Variants in HMCN1 observed in about 807,000 individuals in gnomAD.
HMCN1 encodes hemicentin 1, also known as hemicentin-1.
In HMCN1, 321 loss-of-function variants were observed where a neutral mutation model predicts 625.9. The ratio of observed to expected loss-of-function variants is 0.51; its 90% CI spans 0.47 to 0.56. HMCN1 has a LOEUF of 0.56. Among genes scored for constraint, HMCN1 ranks in the 20% least tolerant of loss-of-function variants. HMCN1 has a pLI of 0.00. For synonymous variants in HMCN1, 2,425 were observed against 2,417.6 expected, an observed-to-expected ratio of 1.00 and a Z score of -0.09; for missense variants, 6,588 against 6,887.3, an observed-to-expected ratio of 0.96 and a Z score of 1.54.
chr1:186,166,755 T>A, intron 99 of HMCN1, 53 bp from the exon 100 acceptor site: 1 of 1,613,654 alleles, frequency 6.2e-7, no homozygotes, highest in African/African-American at 1.3e-5. Flanking sequence ...CCGCAGGTTC[T>A]TGGGCTGGGT....
intron 106 of HMCN1, 44 bp from the exon 107 acceptor site, chr1:186,189,468 A>G (rs781335929): frequency 1.2e-6 from 2 of 1,607,330 alleles, no homozygotes; most frequent in Admixed American, 1.7e-5. Context: ...GCCTCCTCCT[A>G]CTTCCAGATA....
At chr1:186,004,110 C>A (rs1433095931) in intron 29 of HMCN1, among the ~76,000 whole-genome samples, 1 of 152,090 alleles carries the variant, frequency 6.6e-6, no homozygotes, top group Non-Finnish European at 1.5e-5. Context: ...TATCCTCTGT[C>A]TAAAGACAGT....
intron 4 of HMCN1, among the ~76,000 whole-genome samples, chr1:185,892,756 G>C (rs966245919): frequency 6.6e-6 from 1 of 152,126 alleles, no homozygotes; most frequent in African/African-American, 2.4e-5. Flanking sequence ...GGTTACTGCC[G>C]TCTTTTTGTT....
intron 1 of HMCN1, among the ~76,000 whole-genome samples, chr1:185,768,455 G>A (rs1185004859): frequency 6.6e-6 from 1 of 152,142 alleles, no homozygotes; most frequent in Non-Finnish European, 1.5e-5. Context: ...AAGAGAAAAA[G>A]CAGAAACAAA....
chr1:185,776,643 T>C (rs935809566), intron 1 of HMCN1, among the ~76,000 whole-genome samples: 36 of 152,172 alleles, frequency 2.4e-4, no homozygotes, highest in Non-Finnish European at 1.0e-4. Flanking sequence ...GAAAGCTTGG[T>C]AAAATAAATA....
intron 68 of HMCN1, among the ~76,000 whole-genome samples, chr1:186,100,513 A>G: frequency 6.6e-6 from 1 of 152,120 alleles, no homozygotes; most frequent in East Asian, 1.9e-4. Context: ...CAGGTCATAG[A>G]GCACTTTTTT....
intron 78 of HMCN1, 151 bp from the exon 79 acceptor site, chr1:186,119,594 G>A: frequency 1.2e-6 from 1 of 803,470 alleles, no homozygotes; most frequent in Non-Finnish European, 2.0e-6. Flanking sequence ...CTCAAAGAAT[G>A]CAGTGTGGCC....
chr1:185,805,268 T>G (rs949503868), intron 1 of HMCN1, among the ~76,000 whole-genome samples: 2 of 152,210 alleles, frequency 1.3e-5, no homozygotes, highest in Non-Finnish European at 2.9e-5. Context: ...ATTTTAAATT[T>G]TATTTCCCAA....
chr1:186,055,828 T>G (rs566886085), intron 45 of HMCN1, among the ~76,000 whole-genome samples, 154 bp downstream of exon 45: 1 of 152,148 alleles, frequency 6.6e-6, no homozygotes, highest in South Asian at 2.1e-4. Flanking sequence ...TCATCATTTA[T>G]CCTTCTATGC....
intron 29 of HMCN1, among the ~76,000 whole-genome samples, chr1:186,006,076 CAGTGAGCTGA>C (rs1653614082): frequency 6.8e-6 from 1 of 147,008 alleles, no homozygotes; most frequent in South Asian, 2.1e-4. Context: ...GCAGAGGTTG[CAGTGAGCTGA>C]AATAGCACCA....
In HMCN1 at chr1:186,016,001, G is replaced by C; in HGVS notation, c.4953G>C (p.Lys1651Asn). The C allele has an allele frequency of 6.2e-7, 1 of 1,613,404 alleles. No homozygotes were observed. The highest frequency in any genetic ancestry group is 1.1e-5 in the South Asian group (1 of 91,068). Residue 1651 changes from lysine to asparagine, a missense_variant, in exon 32 of 107, where the codon AAG becomes AAC. This residue lies in a region of HMCN1 where 4,628 missense variants were observed against 4,853.1 expected (regional missense o/e 0.95). Coordinates refer to ENST00000271588, the MANE Select transcript of HMCN1 (RefSeq NM_031935.3). ...IEGNLATPLN[K>N]QVVIAHSLTL... ...GCAACTTGGCCACGCCTTTGAATAAGCAAGTAGTTATTGCTCATTCTCTGA... is the reference window on the plus strand; with the variant it reads ...GCAACTTGGCCACGCCTTTGAATAACCAAGTAGTTATTGCTCATTCTCTGA...
At chr1:185,991,421 T>C (rs924420451) in intron 22 of HMCN1, among the ~76,000 whole-genome samples, 1 of 152,156 alleles carries the variant, frequency 6.6e-6, no homozygotes, top group African/African-American at 2.4e-5. Flanking sequence ...CTCCTCCCTC[T>C]TCCCAGGGGC....
At chr1:185,990,209 G>C in intron 21 of HMCN1, 66 bp from the exon 22 acceptor site, 2 of 1,341,974 alleles carry the variant, frequency 1.5e-6, no homozygotes, top group East Asian at 2.3e-5. Context: ...CCACATTTTA[G>C]TGTAAATTAA....
intron 1 of HMCN1, among the ~76,000 whole-genome samples, chr1:185,779,887 G>A (rs1031309555): frequency 2.6e-5 from 4 of 152,204 alleles, no homozygotes; most frequent in Admixed American, 2.0e-4. Flanking sequence ...TGTGAAGAAA[G>A]TCATTGGTAG....
In HMCN1 at chr1:186,171,371, C is replaced by T; in HGVS notation, c.15609C>T (p.His5203=). The T allele has an allele frequency of 1.2e-6, 2 of 1,613,508 alleles. No individual in the cohort carries two copies. Among genetic ancestry groups the T allele is most frequent in the Non-Finnish European group, 1.7e-6 (2 of 1,179,512 alleles). Reference sequence around the variant, plus strand: ...AATGTCAAGAATCCAGCCCCTGTCACCAGCGCTGTTTCAATGCCATAGGAA... The same window carrying T: ...AATGTCAAGAATCCAGCCCCTGTCATCAGCGCTGTTTCAATGCCATAGGAA... ...INECQESSPC[H]QRCFNAIGSF... The change falls in exon 101 of 107, where the codon CAC becomes CAT. Residue 5203 remains histidine (H), a synonymous_variant. Transcript: ENST00000271588.
chr1:185,847,293 G>A (rs1429391637), intron 2 of HMCN1, among the ~76,000 whole-genome samples: 3 of 152,130 alleles, frequency 2.0e-5, no homozygotes, highest in Admixed American at 2.0e-4. Context: ...GACACTTTGA[G>A]TCTCTGGTGA....
At chr1:185,899,239 A>G (rs977318789) in intron 4 of HMCN1, among the ~76,000 whole-genome samples, 1 of 152,132 alleles carries the variant, frequency 6.6e-6, no homozygotes, top group Non-Finnish European at 1.5e-5. Context: ...TACTATAAAC[A>G]CAAGCATAGC....
At chr1:185,887,878 G>A (rs1174287533) in intron 4 of HMCN1, among the ~76,000 whole-genome samples, 8 of 141,840 alleles carry the variant, frequency 5.6e-5, no homozygotes, top group South Asian at 2.3e-4. Flanking sequence ...CTGACGAATC[G>A]CCACACTGAC....
chr1:185,884,319 A>G (rs1331952352), intron 4 of HMCN1, among the ~76,000 whole-genome samples: 1 of 151,900 alleles, frequency 6.6e-6, no homozygotes, highest in East Asian at 1.9e-4. Context: ...TACCTTTTGC[A>G]TGCACAGATT....
Sources: gnomAD v4.1 joint callset for allele counts (sites outside exome capture counted in the v4.1 genomes callset) on GRCh38, gnomAD v4.1.1 for gene constraint, gnomAD v4.1.1 regional missense constraint, MANE v1.5 for transcripts, NCBI Gene and HGNC (gene_info 2026-07-23, HGNC 2026-07-21) for gene names.